The following RASGRP3 variants were observed in gnomAD, a reference collection of about 807,000 sequenced individuals.
RASGRP3 encodes RAS guanyl releasing protein 3, also known as ras guanyl-releasing protein 3.
RASGRP3 carries 54 observed loss-of-function variants against 82.7 expected under a neutral mutation model. That is an observed-to-expected ratio of 0.65 (90% CI 0.52 to 0.82). The LOEUF (loss-of-function observed/expected upper bound fraction) is 0.82. Ranked by LOEUF, RASGRP3 falls within the 40% of genes least tolerant of loss-of-function variation. The pLI is 0.00. For missense variants in RASGRP3, 861 were observed against 828.9 expected, an observed-to-expected ratio of 1.04 and a Z score of -0.48; for synonymous variants, 309 against 300.5, an observed-to-expected ratio of 1.03 and a Z score of -0.29.
At chr2:33,457,118 G>A (rs778599836) in intron 2 of RASGRP3, among the ~76,000 whole-genome samples, 2 of 151,908 alleles carry the variant, frequency 1.3e-5, no homozygotes, top group African/African-American at 2.4e-5. Flanking sequence ...TGTTCCACCC[G>A]CTTCAGCCTC....
At chr2:33,560,568 T>C (rs1676535522) in intron 17 of RASGRP3, among the ~76,000 whole-genome samples, 1 of 152,218 alleles carries the variant, frequency 6.6e-6, no homozygotes, top group Non-Finnish European at 1.5e-5. Context: ...CTGGGGGGTA[T>C]GTGATCCAAA....
intron 14 of RASGRP3, among the ~76,000 whole-genome samples, chr2:33,554,509 G>A (rs1432798113): frequency 1.3e-5 from 2 of 151,994 alleles, no homozygotes; most frequent in Admixed American, 1.3e-4. Flanking sequence ...CTCTTGCTCT[G>A]TTGCCCAGGC....
At chr2:33,473,382 C>A (rs1431600996), upstream of RASGRP3, among the ~76,000 whole-genome samples, 6 of 144,842 alleles carry the variant, frequency 4.1e-5, no homozygotes, top group Non-Finnish European at 6.1e-5. Context: ...GACTCCGTCT[C>A]AAAAAAAAAA....
intron 2 of RASGRP3, among the ~76,000 whole-genome samples, chr2:33,457,676 A>G (rs1392644163): frequency 6.6e-6 from 1 of 151,944 alleles, no homozygotes; most frequent in African/African-American, 2.4e-5. Context: ...GTTGGGTATT[A>G]TCATTTCCCT....
rs397868583 is a variant in RASGRP3 at position 33,480,042 on chromosome 2, A to ATTT, written c.-261+3353_-261+3355dup. Among the ~76,000 whole-genome samples, 621 of 131,866 alleles carry ATTT rather than the reference A, an allele frequency of 4.7e-3. 9 individuals carry two copies. Among genetic ancestry groups the ATTT allele is most frequent in the African/African-American group, 0.011 (387 of 34,870 alleles). The allele number at this position is 131,866 out of a possible 152,430, so 86.5% of individuals were successfully genotyped here. ...AAGCTATTTATAGCATGAAAGAGGA[A>ATTT]TTTTTTTTTTTTTTTTTTTTGAGAC... On this transcript the variant is annotated intron_variant, in intron 1 of 17. Coordinates refer to ENST00000403687, the MANE Select transcript of RASGRP3 (RefSeq NM_001139488.2).
intron 2 of RASGRP3, among the ~76,000 whole-genome samples, chr2:33,514,668 G>C (rs1485315656): frequency 5.6e-4 from 85 of 151,952 alleles, no homozygotes; most frequent in Non-Finnish European, 4.4e-5. Context: ...ACTCCAGCCT[G>C]GGTGACAAAG....
At chr2:33,487,623 C>A (rs1222742990) in intron 1 of RASGRP3, among the ~76,000 whole-genome samples, 1 of 152,102 alleles carries the variant, frequency 6.6e-6, no homozygotes, top group Non-Finnish European at 1.5e-5. Flanking sequence ...TTCCTATTAC[C>A]CTCAAACAAA....
intron 17 of RASGRP3, among the ~76,000 whole-genome samples, chr2:33,560,145 A>C (rs542470396): frequency 6.6e-6 from 1 of 152,186 alleles, no homozygotes; most frequent in Non-Finnish European, 1.5e-5. Flanking sequence ...TATACTCACA[A>C]AGTTGTGCAA....
chr2:33,557,844 G>A (rs7574183), intron 15 of RASGRP3, among the ~76,000 whole-genome samples: 25,890 of 152,024 alleles, frequency 0.17, 2,957 homozygotes, highest in African/African-American at 0.32. Flanking sequence ...CTCTTTGTGG[G>A]GATTCCGTCT....
At chr2:33,461,701 A>T (rs750763015) in intron 2 of RASGRP3, among the ~76,000 whole-genome samples, 3 of 152,242 alleles carry the variant, frequency 2.0e-5, no homozygotes, top group Non-Finnish European at 4.4e-5. Context: ...TTACTCTGCT[A>T]TGGATTCCCA....
At chr2:33,536,450 C>A (rs942470630) in intron 11 of RASGRP3, among the ~76,000 whole-genome samples, 28 of 152,064 alleles carry the variant, frequency 1.8e-4, no homozygotes, top group African/African-American at 6.5e-4. Flanking sequence ...TGTCTTCCAT[C>A]CCAGTGATGT....
chr2:33,450,490 T>C (rs1356992108), intron 2 of RASGRP3, among the ~76,000 whole-genome samples: 1 of 152,202 alleles, frequency 6.6e-6, no homozygotes, highest in Non-Finnish European at 1.5e-5. Flanking sequence ...TCTTTCTGTG[T>C]CTGGCTTATT....
chr2:33,474,951 G>C (rs973411758), upstream of RASGRP3, among the ~76,000 whole-genome samples: 2 of 152,148 alleles, frequency 1.3e-5, no homozygotes, highest in African/African-American at 2.4e-5. Context: ...TGGATCATCA[G>C]AATAATTAAC....
chr2:33,518,473 G>A (rs1671671295), intron 4 of RASGRP3, among the ~76,000 whole-genome samples: 1 of 152,110 alleles, frequency 6.6e-6, no homozygotes, highest in African/African-American at 2.4e-5. Context: ...GGACATTAGT[G>A]TACAATATTG....
At position 33,519,943 on chromosome 2, in the gene RASGRP3, C is replaced by T. The variant is rs1010205593; in HGVS notation, c.174-9C>T. The T allele has an allele frequency of 6.2e-7, 1 of 1,604,454 alleles. No individual in the cohort carries two copies. The highest frequency in any genetic ancestry group is 1.3e-5 in the African/African-American group (1 of 74,844). On this transcript the variant is annotated splice_polypyrimidine_tract_variant and intron_variant, in intron 4 of 17. Transcript: ENST00000403687. ...AGGTGCAAGGATTTTTTTTCTTTAA[C>T]TGGTTTACGTATCGAAATGCCACTG... is the stretch of plus-strand genomic sequence containing the variant.
At chr2:33,449,781 A>G (rs1406036594) in intron 2 of RASGRP3, among the ~76,000 whole-genome samples, 1 of 152,196 alleles carries the variant, frequency 6.6e-6, no homozygotes, top group Non-Finnish European at 1.5e-5. Context: ...AATATTTATT[A>G]CAGTGAAAAT....
chr2:33,450,821 TC>T lies in RASGRP3; in HGVS notation c.-261+2879del, dbSNP rs1409651908. On this transcript the variant is annotated intron_variant, in intron 2 of 18. Coordinates refer to the RASGRP3 transcript ENST00000402538. ...TTCTTTCTTTTTCTCTTTCTTTCTT[TC>T]TTTTTTTTTTTTTTTTTTTTTTTTT... Among the ~76,000 whole-genome samples, 39 of 78,680 alleles carry T rather than the reference TC, an allele frequency of 5.0e-4. 2 individuals are homozygous for T. Among genetic ancestry groups the T allele is most frequent in the Admixed American group, 9.3e-4 (6 of 6,464 alleles). The allele number at this position is 78,680 out of a possible 152,430, so 51.6% of individuals were successfully genotyped here. A position where few individuals can be genotyped will look rare whatever the true frequency, so the allele number is the denominator to read the frequency against.
chr2:33,476,772 T>C (rs1482677431), intron 1 of RASGRP3, 65 bp downstream of exon 1: 1 of 150,986 alleles, frequency 6.6e-6, no homozygotes, highest in Non-Finnish European at 1.5e-5. Flanking sequence ...TGTGTGTGTG[T>C]GTGTGTGTGT....
chr2:33,534,458 G>T lies in RASGRP3; in HGVS notation c.1161+58G>T, dbSNP rs201241640. 2.1e-4 allele frequency: 240 copies of T among 1,142,438 alleles called. 2 individuals are homozygous for T. In the East Asian group the frequency reaches 3.6e-3, roughly 17 times the overall value. 70.8% of individuals were successfully genotyped at this position (1,142,438 alleles called of 1,614,324 possible). On this transcript the variant is annotated intron_variant, in intron 11 of 17. Transcript: ENST00000403687. Reference sequence around the variant, plus strand: ...CAATCACTATTTTTTGTCATGTACAGTAATTGGCTATTACAATGCTGCTTT... The same window carrying T: ...CAATCACTATTTTTTGTCATGTACATTAATTGGCTATTACAATGCTGCTTT...
Sources: allele counts gnomAD v4.1 joint callset (sites outside exome capture counted in the v4.1 genomes callset), GRCh38; gene constraint gnomAD v4.1.1; transcripts MANE v1.5; gene names NCBI Gene and HGNC (gene_info 2026-07-23, HGNC 2026-07-21).